Variants in PCCA observed in about 807,000 individuals in gnomAD.
PCCA encodes the protein propionyl-CoA carboxylase subunit alpha.
PCCA carries 74 observed loss-of-function variants against 101.3 expected under a neutral mutation model. The ratio of observed to expected loss-of-function variants is 0.73; its 90% confidence interval spans 0.61 to 0.89. The LOEUF is 0.89. PCCA is among the 40% of genes least tolerant of loss of function. The pLI, the probability that PCCA is intolerant of heterozygous loss-of-function variation, is 0.00. For synonymous variants in PCCA, 294 were observed against 313.6 expected (o/e 0.94, Z 0.66); for missense variants, 891 against 907.0 (o/e 0.98, Z 0.23).
At chr13:100,495,448 T>C (rs1393074856) in intron 21 of PCCA, among the ~76,000 whole-genome samples, 1 of 152,220 alleles carries the variant, frequency 6.6e-6, no homozygotes, top group Non-Finnish European at 1.5e-5. Flanking sequence ...TTTTGTTAAC[T>C]TGTAGTTATT....
At chr13:100,313,007 A>G (rs2067046111) in intron 16 of PCCA, among the ~76,000 whole-genome samples, 1 of 152,248 alleles carries the variant, frequency 6.6e-6, no homozygotes, top group African/African-American at 2.4e-5. Flanking sequence ...TATAGAAAAG[A>G]TGAATGAATA....
intron 9 of PCCA, among the ~76,000 whole-genome samples, chr13:100,261,762 T>C (rs908067069): frequency 6.6e-6 from 1 of 152,366 alleles, no homozygotes; most frequent in Admixed American, 6.5e-5. Flanking sequence ...TTTAAAAAAC[T>C]ATACTTTTAT....
At chr13:100,268,290 A>C (rs1448604224) in intron 10 of PCCA, among the ~76,000 whole-genome samples, 1 of 152,214 alleles carries the variant, frequency 6.6e-6, no homozygotes, top group Non-Finnish European at 1.5e-5. Context: ...TTTCCCAATC[A>C]ACAGACATTT....
At chr13:100,369,877 A>C (rs559402866) in intron 19 of PCCA, among the ~76,000 whole-genome samples, 1 of 152,210 alleles carries the variant, frequency 6.6e-6, no homozygotes, top group Admixed American at 6.5e-5. Flanking sequence ...AAAGAGTATC[A>C]ATATTACAAT....
At chr13:100,134,778 TC>T (rs994173676) in intron 4 of PCCA, among the ~76,000 whole-genome samples, 3 of 152,072 alleles carry the variant, frequency 2.0e-5, no homozygotes, top group African/African-American at 7.2e-5. Context: ...GGTCCTGAAC[TC>T]CTGTGCTCAA....
At chr13:100,497,931 G>A (rs2085389488) in intron 21 of PCCA, among the ~76,000 whole-genome samples, 1 of 151,846 alleles carries the variant, frequency 6.6e-6, no homozygotes, top group Non-Finnish European at 1.5e-5. Flanking sequence ...TGCAGTGGCA[G>A]GATCATAACT....
chr13:100,154,011 TAACAG>T (rs2053628141), intron 4 of PCCA, among the ~76,000 whole-genome samples: 1 of 152,248 alleles, frequency 6.6e-6, no homozygotes, highest in African/African-American at 2.4e-5. Flanking sequence ...CTGAAGACTC[TAACAG>T]AAATACTCAG....
intron 19 of PCCA, among the ~76,000 whole-genome samples, chr13:100,386,614 G>C (rs1283285): frequency 0.98 from 148,685 of 152,340 alleles, 72,594 homozygotes; most frequent in East Asian, 1. Flanking sequence ...ATCTCCTGAC[G>C]TCGTGATCCA....
At chr13:100,499,253 G>A (rs1030073622) in intron 21 of PCCA, among the ~76,000 whole-genome samples, 18 of 152,284 alleles carry the variant, frequency 1.2e-4, no homozygotes, top group East Asian at 3.9e-4. Context: ...CAGCATCCGC[G>A]CTCACATAAC....
chr13:100,290,860 A>G (rs944177407), intron 12 of PCCA, among the ~76,000 whole-genome samples: 2 of 152,206 alleles, frequency 1.3e-5, no homozygotes, highest in Non-Finnish European at 2.9e-5. Flanking sequence ...ATCCTCTCCT[A>G]TAAGTAACTG....
chr13:100,113,519 G>C (rs1197461366), intron 4 of PCCA, among the ~76,000 whole-genome samples: 2 of 151,336 alleles, frequency 1.3e-5, no homozygotes, highest in Non-Finnish European at 2.9e-5. Flanking sequence ...ATTAACCTTA[G>C]CATACCATAA....
chr13:100,316,252 TAA>T (rs1325010927), intron 16 of PCCA, among the ~76,000 whole-genome samples: 6 of 152,196 alleles, frequency 3.9e-5, no homozygotes, highest in Non-Finnish European at 7.3e-5. Flanking sequence ...TAGAAAACAT[TAA>T]AGAGAAAATG....
intron 12 of PCCA, among the ~76,000 whole-genome samples, chr13:100,291,994 G>T (rs1018288384): frequency 6.6e-6 from 1 of 152,210 alleles, no homozygotes; most frequent in Non-Finnish European, 1.5e-5. Flanking sequence ...AGATCTTGGT[G>T]CTTCCCATGT....
chr13:100,408,637 A>T (rs993799613), intron 19 of PCCA, among the ~76,000 whole-genome samples: 14 of 152,184 alleles, frequency 9.2e-5, no homozygotes, highest in African/African-American at 2.9e-4. Context: ...ACATGCAGAT[A>T]TGGAACCAGA....
intron 22 of PCCA, among the ~76,000 whole-genome samples, chr13:100,525,336 G>A (rs1361490942): frequency 6.6e-6 from 1 of 152,142 alleles, no homozygotes; most frequent in African/African-American, 2.4e-5. Context: ...TTTTTCTGAT[G>A]AACAACTGGG....
At chr13:100,299,593 T>C (rs1349086150) in intron 12 of PCCA, among the ~76,000 whole-genome samples, 2 of 152,352 alleles carry the variant, frequency 1.3e-5, no homozygotes, top group South Asian at 4.1e-4. Flanking sequence ...AGTATGTACT[T>C]ATATGGGCAC....
chr13:100,359,807 T>C (rs2074362404), intron 18 of PCCA, among the ~76,000 whole-genome samples: 1 of 152,090 alleles, frequency 6.6e-6, no homozygotes, highest in Non-Finnish European at 1.5e-5. Context: ...TCAGAAGAAG[T>C]AAGAGTTATA....
At chr13:100,425,600 T>C (rs1045365687) in intron 19 of PCCA, 33 bp from the exon 20 acceptor site, 2 of 1,438,780 alleles carry the variant, frequency 1.4e-6, no homozygotes, top group Non-Finnish European at 2.0e-6. Flanking sequence ...CTGTCTTTCT[T>C]CATGGTAATG....
intron 19 of PCCA, among the ~76,000 whole-genome samples, chr13:100,417,961 C>T (rs2078490364): frequency 6.6e-6 from 1 of 152,110 alleles, no homozygotes; most frequent in Non-Finnish European, 1.5e-5. Flanking sequence ...ACTACCTCAT[C>T]TTCCTCTTGG....
Sources: gnomAD v4.1 joint callset for allele counts (sites outside exome capture counted in the v4.1 genomes callset) on GRCh38, gnomAD v4.1.1 for gene constraint, MANE v1.5 for transcripts, NCBI Gene and HGNC (gene_info 2026-07-23, HGNC 2026-07-21) for gene names.